Variants in ELL2 observed in about 807,000 individuals in gnomAD.
ELL2 encodes the protein elongation factor for RNA polymerase II 2.
Under a neutral mutation model 72.8 loss-of-function variants are expected in ELL2, and 21 were observed. The observed-to-expected ratio is 0.29, with a 90% confidence interval of 0.20 to 0.42. The LOEUF (loss-of-function observed/expected upper bound fraction) is 0.42, where lower values mean the gene tolerates loss of function less well. Among genes scored for constraint, ELL2 ranks in the 10% least tolerant of loss-of-function variants. ELL2 has a pLI of 1.00. For missense variants in ELL2, 568 were observed against 772.8 expected (o/e 0.73, Z 3.14); for synonymous variants, 266 against 283.2 (o/e 0.94, Z 0.61).
rs1394674698 is a variant in ELL2 at position 95,898,697 on chromosome 5, A to C, written c.1068T>G (p.Ser356Arg). ...GCGGGAGGCCTGCAGCAGATTTTTC[A>C]CTGGTGGGATTCAAATGACCATTTA... ...PTLNGHLNPT[S>R]EKSAAGLPLP... The change falls in exon 8 of 12, where the codon AGT becomes AGG. Residue 356 changes from serine to arginine, a missense_variant. By Grantham distance (110) the Ser-to-Arg change is moderately radical. Around this residue, in one of 2 missense-constraint regions of ELL2, gnomAD observed 511 missense variants for 728.4 expected, o/e 0.70. Transcript: ENST00000237853. The C allele has an allele frequency of 6.2e-7, 1 of 1,612,532 alleles. No homozygotes were observed. Among genetic ancestry groups the C allele is most frequent in the African/African-American group, 1.3e-5 (1 of 74,814 alleles).
At chr5:95,898,091 G>GA (rs61457748) in intron 8 of ELL2, 149 bp downstream of exon 8, 48,672 of 434,708 alleles carry the variant, frequency 0.11, 4 homozygotes, top group Non-Finnish European at 0.14. Context: ...GCTGTAAAAT[G>GA]AAAAAAAAAA....
chr5:95,939,401 C>G (rs545348429), intron 2 of ELL2, among the ~76,000 whole-genome samples: 15 of 152,200 alleles, frequency 9.9e-5, no homozygotes, highest in Non-Finnish European at 1.8e-4. Flanking sequence ...ATAACAAGCA[C>G]TTGGCACTAC....
intron 1 of ELL2, among the ~76,000 whole-genome samples, chr5:95,958,842 G>A (rs1025529256): frequency 1.6e-4 from 24 of 152,242 alleles, no homozygotes; most frequent in Middle Eastern, 6.8e-3. Context: ...AATGGAAAAA[G>A]TACTAGAAGC....
intron 1 of ELL2, among the ~76,000 whole-genome samples, chr5:95,948,274 A>AC (rs1305282723): frequency 6.6e-6 from 1 of 151,752 alleles, no homozygotes; most frequent in East Asian, 1.9e-4. Flanking sequence ...TACTAAAAAA[A>AC]CGAAAAATTA....
At chr5:95,912,206 A>ACAAAAAC (rs756487628) in intron 4 of ELL2, among the ~76,000 whole-genome samples, 77 of 152,350 alleles carry the variant, frequency 5.1e-4, no homozygotes, top group Non-Finnish European at 8.1e-4. Context: ...TTGAAAACAA[A>ACAAAAAC]CAAAAACACA....
At position 95,888,861 on chromosome 5, in the gene ELL2, A is replaced by C; in HGVS notation, c.*10T>G. ...TAAGTTTATTCACATCTTCTGGTCC[A>C]AGCAGAGTTCTAGGACCATGACTCT... On this transcript the variant is annotated 3_prime_UTR_variant, in exon 12 of 12. Transcript: ENST00000237853. The C allele has an allele frequency of 1.9e-6, 3 of 1,564,612 alleles. No homozygotes were observed. The highest frequency in any genetic ancestry group is 2.6e-6 in the Non-Finnish European group (3 of 1,151,824).
intron 1 of ELL2, among the ~76,000 whole-genome samples, chr5:95,960,501 G>T (rs774884104): frequency 6.6e-6 from 1 of 151,844 alleles, no homozygotes; most frequent in African/African-American, 2.4e-5. Flanking sequence ...GCCTCTCTCT[G>T]TACTGGAGGG....
chr5:95,906,813 C>A (rs770434380), intron 4 of ELL2, 31 bp from the exon 5 acceptor site: 2 of 1,574,530 alleles, frequency 1.3e-6, no homozygotes, highest in East Asian at 2.3e-5. Flanking sequence ...CATTGTTACA[C>A]ATTTGTGGGT....
intron 1 of ELL2, among the ~76,000 whole-genome samples, chr5:95,959,077 G>C (rs1306412965): frequency 3.3e-5 from 5 of 152,046 alleles, no homozygotes; most frequent in Non-Finnish European, 7.4e-5. Context: ...GCCATACAAA[G>C]GTAGGAAAAC....
intron 3 of ELL2, among the ~76,000 whole-genome samples, chr5:95,918,340 A>G (rs1580503614): frequency 6.6e-6 from 1 of 152,256 alleles, no homozygotes; most frequent in Non-Finnish European, 1.5e-5. Context: ...GACAGCACAG[A>G]AAAGTCTATA....
chr5:95,960,241 C>G (rs572870105), intron 1 of ELL2, among the ~76,000 whole-genome samples: 2 of 151,712 alleles, frequency 1.3e-5, no homozygotes, highest in Non-Finnish European at 2.9e-5. Flanking sequence ...TAAGATGCCC[C>G]GTGGGTTCTA....
intron 3 of ELL2, among the ~76,000 whole-genome samples, chr5:95,917,638 C>A (rs958399878): frequency 3.3e-5 from 5 of 152,196 alleles, no homozygotes; most frequent in African/African-American, 4.8e-5. Context: ...CTTACTACCT[C>A]ATTTTATAAG....
intron 9 of ELL2, among the ~76,000 whole-genome samples, chr5:95,895,023 C>T (rs1748813561): frequency 6.6e-6 from 1 of 152,156 alleles, no homozygotes; most frequent in South Asian, 2.1e-4. Context: ...TGCAAAAAAG[C>T]TAGAATTATG....
chr5:95,920,533 A>T (rs1000138422), intron 2 of ELL2, among the ~76,000 whole-genome samples: 2 of 151,512 alleles, frequency 1.3e-5, no homozygotes, highest in African/African-American at 4.9e-5. Context: ...TATTTTCTAC[A>T]CTCTTGTTCA....
At chr5:95,961,298 G>A (rs1175449359) in intron 1 of ELL2, among the ~76,000 whole-genome samples, 1 of 151,996 alleles carries the variant, frequency 6.6e-6, no homozygotes, top group African/African-American at 2.4e-5. Flanking sequence ...CTCGGGGGCC[G>A]TCGGAAAGTC....
At chr5:95,895,765 G>C (rs1748851270) in intron 8 of ELL2, 74 bp from the exon 9 acceptor site, 1 of 1,138,080 alleles carries the variant, frequency 8.8e-7, no homozygotes, top group South Asian at 1.3e-5. Context: ...TTCTAAAATA[G>C]ATTAGAAACA....
At chr5:95,903,607 GCT>G (rs1281212337) in intron 5 of ELL2, among the ~76,000 whole-genome samples, 2 of 151,994 alleles carry the variant, frequency 1.3e-5, no homozygotes, top group East Asian at 1.9e-4. Context: ...CCTGTTTTCT[GCT>G]CTGTTTTCCT....
intron 1 of ELL2, among the ~76,000 whole-genome samples, chr5:95,953,491 C>T (rs1022500188): frequency 1.3e-5 from 2 of 152,146 alleles, no homozygotes; most frequent in Non-Finnish European, 2.9e-5. Context: ...TCTAGCTAAG[C>T]ATATTTAAGT....
intron 2 of ELL2, among the ~76,000 whole-genome samples, chr5:95,923,065 A>G (rs557102755): frequency 6.6e-6 from 1 of 152,218 alleles, no homozygotes; most frequent in South Asian, 2.1e-4. Flanking sequence ...TTTGGATTAT[A>G]AACAGAAATA....
Sources: gnomAD v4.1 joint callset for allele counts (sites outside exome capture counted in the v4.1 genomes callset) on GRCh38, gnomAD v4.1.1 for gene constraint, gnomAD v4.1.1 regional missense constraint, MANE v1.5 for transcripts, NCBI Gene and HGNC (gene_info 2026-07-23, HGNC 2026-07-21) for gene names.